The following DPH6 variants were observed in gnomAD, a reference collection of about 807,000 sequenced individuals.
DPH6 encodes the protein diphthamine biosynthesis 6, also known as diphthine--ammonia ligase.
A neutral mutation model predicts 38.2 loss-of-function variants in DPH6; 33 were observed. The observed-to-expected ratio is 0.86, with a 90% confidence interval of 0.65 to 1.15. The LOEUF (loss-of-function observed/expected upper bound fraction) is 1.15. DPH6 is among the 50% of genes most tolerant of loss of function. The pLI, the probability that DPH6 is intolerant of heterozygous loss-of-function variation, is 0.00. For missense variants in DPH6, 325 were observed against 320.0 expected, an observed-to-expected ratio of 1.02 and a Z score of -0.12; for synonymous variants, 108 against 103.0, an observed-to-expected ratio of 1.05 and a Z score of -0.30.
chr15:35,498,120 A>T (rs755526165), intron 3 of DPH6, among the ~76,000 whole-genome samples: 3 of 152,188 alleles, frequency 2.0e-5, no homozygotes, highest in Non-Finnish European at 4.4e-5. Context: ...CCTTCTCTCC[A>T]TTGAGTATAG....
intron 6 of DPH6, among the ~76,000 whole-genome samples, chr15:35,389,552 T>C (rs1174444360): frequency 6.6e-6 from 1 of 152,206 alleles, no homozygotes; most frequent in African/African-American, 2.4e-5. Context: ...ATATTTAGGA[T>C]AGTTAGCTCT....
chr15:35,533,667 T>C (rs989521582), intron 3 of DPH6, among the ~76,000 whole-genome samples: 35 of 150,170 alleles, frequency 2.3e-4, no homozygotes, highest in Non-Finnish European at 4.7e-4. Context: ...TTTTTATTAT[T>C]AAATTTATTA....
intron 3 of DPH6, among the ~76,000 whole-genome samples, chr15:35,496,567 A>AAAAAAAAAAAAAAAAAAATATATATAT: frequency 3.5e-4 from 11 of 31,014 alleles, no homozygotes; most frequent in African/African-American, 9.6e-4. Context: ...AAAAAAAAAA[A>AAAAAAAAAAAAAAAAAAATATATATAT]ATATATATAT....
At chr15:35,365,956 C>G (rs1274388052), downstream of DPH6, 4 of 985,124 alleles carry the variant, frequency 4.1e-6, no homozygotes, top group Non-Finnish European at 4.8e-6. Context: ...TGACAAATCA[C>G]TTTTCTGCTC....
chr15:35,214,633 G>A (rs922299624), downstream of DPH6, among the ~76,000 whole-genome samples: 1 of 151,854 alleles, frequency 6.6e-6, no homozygotes, highest in African/African-American at 2.4e-5. Context: ...TTGAGGCAGA[G>A]TTTCACTCTT....
chr15:35,511,471 T>C (rs1283577570), intron 3 of DPH6, among the ~76,000 whole-genome samples: 1 of 152,030 alleles, frequency 6.6e-6, no homozygotes, highest in Non-Finnish European at 1.5e-5. Flanking sequence ...AGAATGCGAA[T>C]GAGAGGAAAA....
In DPH6 at chr15:35,546,149, G is replaced by T; in HGVS notation, c.-8C>A. 1 of 1,395,664 alleles carries T rather than the reference G, an allele frequency of 7.2e-7. No individual in the cohort carries two copies. The allele number at this position is 1,395,664 out of a possible 1,614,324, so 86.5% of individuals were successfully genotyped here. A position where few individuals can be genotyped will look rare whatever the true frequency, so the allele number is the denominator to read the frequency against. Reference sequence around the variant, plus strand: ...CAGAGCCGCGACCCTCATGCTGGGCGCAGTGCGCGTGCGTGCGGCGAGCGC... The same window carrying T: ...CAGAGCCGCGACCCTCATGCTGGGCTCAGTGCGCGTGCGTGCGGCGAGCGC... On this transcript the variant is annotated 5_prime_UTR_variant, in exon 1 of 9. Transcript: ENST00000256538.
At chr15:35,491,614 C>T (rs566330853) in intron 3 of DPH6, among the ~76,000 whole-genome samples, 6 of 146,364 alleles carry the variant, frequency 4.1e-5, no homozygotes, top group Admixed American at 6.8e-5. Flanking sequence ...ATATATATAT[C>T]GATATATAGA....
At chr15:35,284,745 A>C (rs2051928320) in intron 3 of DPH6, among the ~76,000 whole-genome samples, 3 of 150,896 alleles carry the variant, frequency 2.0e-5, no homozygotes, top group Admixed American at 2.0e-4. Flanking sequence ...CTGTATTAAA[A>C]AAAAAAGCAA....
intron 3 of DPH6, among the ~76,000 whole-genome samples, chr15:35,256,500 CA>C (rs1294202346): frequency 6.6e-6 from 1 of 152,146 alleles, no homozygotes; most frequent in Non-Finnish European, 1.5e-5. Flanking sequence ...TGAATGTTCT[CA>C]ATGTATTCAA....
chr15:35,483,710 A>G (rs565378192), intron 3 of DPH6, among the ~76,000 whole-genome samples: 1 of 152,334 alleles, frequency 6.6e-6, no homozygotes, highest in African/African-American at 2.4e-5. Context: ...ATGAGAAATG[A>G]AAACACATGT....
At chr15:35,421,648 T>C (rs1348640011) in intron 5 of DPH6, among the ~76,000 whole-genome samples, 1 of 152,172 alleles carries the variant, frequency 6.6e-6, no homozygotes, top group East Asian at 1.9e-4. Flanking sequence ...TGATGAGTAC[T>C]GGAAACTGAA....
chr15:35,376,228 C>T lies in DPH6; in HGVS notation c.663-2620G>A, dbSNP rs60074385. On this transcript the variant is annotated intron_variant, in intron 7 of 8. Coordinates refer to ENST00000256538, the MANE Select transcript of DPH6 (RefSeq NM_080650.4). ...CCCACCCTGAGCTCTGTATAAAGTA[C>T]ATTGCCTAATATTCATTAGATATTT... Among the ~76,000 whole-genome samples the T allele has an allele frequency of 0.021, 3,150 of 152,238 alleles. 324 individuals carry two copies. The East Asian group carries it at 0.34, about 16-fold the overall frequency.
At chr15:35,306,439 T>C (rs139024162) in intron 3 of DPH6, among the ~76,000 whole-genome samples, 11 of 152,276 alleles carry the variant, frequency 7.2e-5, no homozygotes, top group South Asian at 6.2e-4. Context: ...TATTGAGTCA[T>C]GGTGTTCTAT....
At chr15:35,450,329 TCAAAA>T (rs927818174) in intron 5 of DPH6, among the ~76,000 whole-genome samples, 2 of 150,920 alleles carry the variant, frequency 1.3e-5, no homozygotes, top group Admixed American at 6.6e-5. Flanking sequence ...CCAAAAAACC[TCAAAA>T]CAAAACAAAA....
the DPH6 span, among the ~76,000 whole-genome samples, chr15:35,171,842 T>A: frequency 6.7e-6 from 1 of 150,232 alleles, no homozygotes; most frequent in Non-Finnish European, 1.5e-5. Flanking sequence ...GAAAATAGTA[T>A]TTTATAATAT....
intron 3 of DPH6, among the ~76,000 whole-genome samples, chr15:35,236,903 A>G (rs950374745): frequency 6.6e-6 from 1 of 152,166 alleles, no homozygotes. Flanking sequence ...CTTTTAATGT[A>G]TTCTGTTAAT....
intron 3 of DPH6, among the ~76,000 whole-genome samples, chr15:35,498,772 T>C (rs1484344351): frequency 6.6e-6 from 1 of 152,022 alleles, no homozygotes; most frequent in Non-Finnish European, 1.5e-5. Flanking sequence ...TCTCTATTCA[T>C]ATAGCTTTTT....
the DPH6 span, among the ~76,000 whole-genome samples, chr15:35,201,291 T>C: frequency 1.3e-5 from 2 of 151,832 alleles, no homozygotes; most frequent in Non-Finnish European, 1.5e-5. Context: ...ATTTGGTTCA[T>C]AGAAATACTG....
Sources: allele counts gnomAD v4.1 joint callset (sites outside exome capture counted in the v4.1 genomes callset), GRCh38; gene constraint gnomAD v4.1.1; transcripts MANE v1.5; gene names NCBI Gene and HGNC (gene_info 2026-07-23, HGNC 2026-07-21).